PCGF3: variants seen among roughly 807,000 people sequenced by gnomAD.
PCGF3 encodes polycomb group ring finger 3.
PCGF3 carries 7 observed loss-of-function variants against 33.1 expected under a neutral mutation model. The observed-to-expected ratio is 0.21, with a 90% CI of 0.12 to 0.40. PCGF3 has a LOEUF of 0.40. PCGF3 is among the 10% of genes least tolerant of loss of function. The probability of loss-of-function intolerance (pLI) is 1.00; values close to 1 mark genes in which losing one functional copy is unlikely to be tolerated. For synonymous variants in PCGF3, 153 were observed against 121.3 expected (o/e 1.26, Z -1.72); for missense variants, 211 against 313.3 (o/e 0.67, Z 2.46).
chr4:709,862 G>A (rs185351278), intron 1 of PCGF3, among the ~76,000 whole-genome samples: 150 of 152,252 alleles, frequency 9.9e-4, no homozygotes, highest in African/African-American at 3.0e-3. Flanking sequence ...GCTCTTACTC[G>A]CCCAGTGTAA....
chr4:751,133 T>C (rs1744492993), intron 8 of PCGF3, among the ~76,000 whole-genome samples: 1 of 152,152 alleles, frequency 6.6e-6, no homozygotes, highest in Non-Finnish European at 1.5e-5. Flanking sequence ...TTTTGCATTC[T>C]CTTTCTGTTC....
chr4:762,866 T>A (rs1305798919), intron 9 of PCGF3: 1 of 152,182 alleles, frequency 6.6e-6, no homozygotes, highest in Non-Finnish European at 1.5e-5. Flanking sequence ...CACAATAAGT[T>A]GCTGATGTAT....
intron 3 of PCGF3, 50 bp from the exon 4 acceptor site, chr4:733,622 A>G (rs1362365116): frequency 3.7e-5 from 58 of 1,550,790 alleles, no homozygotes; most frequent in Non-Finnish European, 4.7e-5. Flanking sequence ...GCCAAGGATG[A>G]AAGGCATGGA....
At chr4:743,069 C>T (rs1266361993) in intron 6 of PCGF3, among the ~76,000 whole-genome samples, 1 of 152,230 alleles carries the variant, frequency 6.6e-6, no homozygotes, top group Non-Finnish European at 1.5e-5. Flanking sequence ...ACTGGCTCAG[C>T]CGTGAGGTCA....
At chr4:758,151 G>C (rs768819681) in intron 8 of PCGF3, among the ~76,000 whole-genome samples, 41 of 132,376 alleles carry the variant, frequency 3.1e-4, no homozygotes, top group Non-Finnish European at 4.8e-4. Flanking sequence ...TGGCTACAGA[G>C]GGAGACTCTG....
intron 1 of PCGF3, among the ~76,000 whole-genome samples, chr4:727,753 GT>G (rs1448510600): frequency 6.6e-5 from 10 of 151,230 alleles, no homozygotes; most frequent in Non-Finnish European, 1.5e-4. Context: ...ATGACTAACC[GT>G]TTTCTTTGGA....
At chr4:749,772 G>A (rs1002524728) in intron 8 of PCGF3, among the ~76,000 whole-genome samples, 2 of 152,062 alleles carry the variant, frequency 1.3e-5, no homozygotes, top group Non-Finnish European at 2.9e-5. Context: ...ACCCAGCCTT[G>A]CTGAATTTTC....
At chr4:707,689 TCC>T (rs1742380265) in intron 1 of PCGF3, among the ~76,000 whole-genome samples, 1 of 135,502 alleles carries the variant, frequency 7.4e-6, no homozygotes, top group African/African-American at 2.8e-5. Flanking sequence ...AGCTCTGTTT[TCC>T]CCTGGGGGCC....
intron 1 of PCGF3, among the ~76,000 whole-genome samples, chr4:728,399 C>G (rs547968057): frequency 6.6e-6 from 1 of 150,922 alleles, no homozygotes; most frequent in Non-Finnish European, 1.5e-5. Flanking sequence ...CGTAAGTAAT[C>G]TGGGGATGGC....
chr4:718,278 C>G (rs1250514661), intron 1 of PCGF3, among the ~76,000 whole-genome samples: 1 of 151,966 alleles, frequency 6.6e-6, no homozygotes, highest in Non-Finnish European at 1.5e-5. Flanking sequence ...CCGGGGGCGG[C>G]GCTGGGGGCC....
At chr4:740,835 G>A (rs187564150) in intron 6 of PCGF3, among the ~76,000 whole-genome samples, 65 of 152,322 alleles carry the variant, frequency 4.3e-4, no homozygotes, top group African/African-American at 1.6e-3. Context: ...AAGCCCGTCC[G>A]TGGTGCAGCT....
chr4:760,034 C>T (rs188504425), intron 8 of PCGF3, among the ~76,000 whole-genome samples: 10 of 152,350 alleles, frequency 6.6e-5, no homozygotes, highest in Middle Eastern at 3.4e-3. Flanking sequence ...TGCTTGCAGG[C>T]GGCCTCGCTC....
In PCGF3 at chr4:762,091, C is replaced by T. The variant is rs1438281917; in HGVS notation, c.600+675C>T. On this transcript the variant is annotated intron_variant, in intron 9 of 10. Coordinates refer to ENST00000362003, the Ensembl canonical transcript of PCGF3. ...GAAGTGGACAGACTTGAGATGCTGT[C>T]TGTAGCAGCAGTGGACTCAGTGGTG... 4.1e-6 allele frequency: 4 copies of T among 985,196 alleles called. No individual in the cohort carries two copies. In the South Asian group the frequency reaches 1.4e-4, roughly 35 times the overall value. 61.0% of individuals were successfully genotyped at this position (985,196 alleles called of 1,614,324 possible).
intron 1 of PCGF3, among the ~76,000 whole-genome samples, chr4:726,040 C>T (rs540164015): frequency 1.6e-4 from 24 of 152,246 alleles, no homozygotes; most frequent in Admixed American, 7.2e-4. Flanking sequence ...GGAAGTGAAA[C>T]AGGCCACCAG....
intron 1 of PCGF3, among the ~76,000 whole-genome samples, chr4:707,655 C>G (rs201873296): frequency 9.8e-6 from 1 of 101,962 alleles, no homozygotes; most frequent in African/African-American, 3.2e-5. Context: ...CCCTGTTTTC[C>G]CCTGGGGGTC....
chr4:758,701 C>G (rs112996527), intron 8 of PCGF3, among the ~76,000 whole-genome samples: 750 of 46,054 alleles, frequency 0.016, no homozygotes, highest in Middle Eastern at 0.045. Context: ...CTCCCGAGTT[C>G]TTCTCCTTCC....
intron 4 of PCGF3, chr4:734,688 C>T (rs1743757398): frequency 1.5e-6 from 2 of 1,316,154 alleles, no homozygotes; most frequent in African/African-American, 1.5e-5. Context: ...GTTTTTTTCC[C>T]ACTTAATTCC....
intron 8 of PCGF3, among the ~76,000 whole-genome samples, chr4:754,636 G>C (rs1744687612): frequency 6.6e-6 from 1 of 152,350 alleles, no homozygotes; most frequent in Non-Finnish European, 1.5e-5. Flanking sequence ...GGCTGGAGGT[G>C]AGGTTGGGGA....
chr4:754,715 A>G (rs1028897465), intron 8 of PCGF3, among the ~76,000 whole-genome samples: 8 of 152,074 alleles, frequency 5.3e-5, no homozygotes, highest in Admixed American at 3.9e-4. Flanking sequence ...GGGATGTGAG[A>G]TCGGGGTGTG....
Sources: gnomAD v4.1 joint callset for allele counts (sites outside exome capture counted in the v4.1 genomes callset) on GRCh38, gnomAD v4.1.1 for gene constraint, MANE v1.5 for transcripts, NCBI Gene and HGNC (gene_info 2026-07-23, HGNC 2026-07-21) for gene names.